The following INO80C variants were observed in gnomAD, a reference collection of about 807,000 sequenced individuals.
INO80C encodes IES6 homolog.
A neutral mutation model predicts 17.7 loss-of-function variants in INO80C; 17 were observed. The observed-to-expected ratio is 0.96, with a 90% CI of 0.66 to 1.44. The LOEUF (loss-of-function observed/expected upper bound fraction) is 1.44. Ranked by LOEUF, INO80C falls within the 40% of genes most tolerant of loss-of-function variation. The probability of loss-of-function intolerance (pLI) is 0.00; values close to 1 mark genes in which losing one functional copy is unlikely to be tolerated. For missense variants in INO80C, 244 were observed against 245.0 expected, an observed-to-expected ratio of 1.00 and a Z score of 0.03; for synonymous variants, 96 against 95.8, an observed-to-expected ratio of 1.00 and a Z score of -0.01.
At chr18:35,493,888 G>A (rs878872331) in intron 1 of INO80C, among the ~76,000 whole-genome samples, 2 of 152,156 alleles carry the variant, frequency 1.3e-5, no homozygotes, top group Admixed American at 1.3e-4. Context: ...CTGACGTAGG[G>A]AAATTTACGT....
chr18:35,484,094 C>A (rs1187260175), intron 1 of INO80C, among the ~76,000 whole-genome samples: 1 of 151,938 alleles, frequency 6.6e-6, no homozygotes, highest in Non-Finnish European at 1.5e-5. Context: ...ACTATGTAAT[C>A]CAAGGTTAAA....
At chr18:35,494,275 C>T (rs1330330040) in intron 1 of INO80C, among the ~76,000 whole-genome samples, 1 of 152,096 alleles carries the variant, frequency 6.6e-6, no homozygotes, top group African/African-American at 2.4e-5. Context: ...AGTACTCTGC[C>T]CCTGGTGTGC....
intron 1 of INO80C, among the ~76,000 whole-genome samples, chr18:35,490,350 C>A (rs1323532334): frequency 6.6e-6 from 1 of 152,158 alleles, no homozygotes; most frequent in Non-Finnish European, 1.5e-5. Flanking sequence ...ATTAAATTAG[C>A]AGGAGAGATA....
intron 1 of INO80C, among the ~76,000 whole-genome samples, chr18:35,490,389 G>A (rs1459399990): frequency 6.6e-6 from 1 of 152,084 alleles, no homozygotes; most frequent in East Asian, 1.9e-4. Context: ...TAAGCACCAC[G>A]TCAAAAGAAA....
intron 2 of INO80C, 89 bp from the exon 3 acceptor site, chr18:35,479,500 A>G: frequency 1.3e-6 from 1 of 759,242 alleles, no homozygotes; most frequent in Admixed American, 2.2e-5. Flanking sequence ...CATAACTGTA[A>G]TATACCTCTC....
At chr18:35,475,538 C>A (rs917257055) in intron 4 of INO80C, among the ~76,000 whole-genome samples, 1 of 152,210 alleles carries the variant, frequency 6.6e-6, no homozygotes, top group South Asian at 2.1e-4. Context: ...GGCATGGTGG[C>A]ACACACCTGT....
At chr18:35,475,096 T>C (rs1307938189) in intron 4 of INO80C, among the ~76,000 whole-genome samples, 2 of 151,644 alleles carry the variant, frequency 1.3e-5, no homozygotes, top group Admixed American at 1.3e-4. Flanking sequence ...ACATCAAGAA[T>C]ACATACCAGA....
At chr18:35,491,091 C>T (rs933502502) in intron 1 of INO80C, among the ~76,000 whole-genome samples, 2 of 152,312 alleles carry the variant, frequency 1.3e-5, no homozygotes, top group Non-Finnish European at 2.9e-5. Context: ...TCAGTTTATT[C>T]CACTTCCCCA....
At chr18:35,475,619 G>A (rs1228557026) in intron 4 of INO80C, among the ~76,000 whole-genome samples, 2 of 151,858 alleles carry the variant, frequency 1.3e-5, no homozygotes, top group Admixed American at 6.6e-5. Context: ...GCTGCAGTGA[G>A]CCAAGATGGC....
intron 2 of INO80C, among the ~76,000 whole-genome samples, chr18:35,479,885 CTTT>C (rs35108119): frequency 1.0e-4 from 14 of 136,622 alleles, no homozygotes; most frequent in Admixed American, 1.5e-4. Context: ...CTAGGTACCT[CTTT>C]TTTTTTTTTT....
chr18:35,496,294 C>T (rs975775494), intron 1 of INO80C, among the ~76,000 whole-genome samples: 3 of 152,146 alleles, frequency 2.0e-5, no homozygotes, highest in Non-Finnish European at 2.9e-5. Context: ...AACAGATGTA[C>T]TAAACGACTC....
Position 35,468,472 on chromosome 18 carries a change from T to A in INO80C, c.*139A>T. On this transcript the variant is annotated 3_prime_UTR_variant, in exon 5 of 5. Transcript: ENST00000334598. ...CTAAAAAAAAAAAAAACCCTTAAAT[T>A]AAAGCCAAACATTCTTTCCAAGGCA... The A allele has an allele frequency of 6.8e-7, 1 of 1,477,484 alleles. No individual in the cohort carries two copies. The highest frequency in any genetic ancestry group is 8.9e-7 in the Non-Finnish European group (1 of 1,117,438). 91.5% of individuals were successfully genotyped at this position (1,477,484 alleles called of 1,614,324 possible). A position where few individuals can be genotyped will look rare whatever the true frequency, so the allele number is the denominator to read the frequency against.
intron 1 of INO80C, among the ~76,000 whole-genome samples, chr18:35,492,057 C>G (rs938339895): frequency 5.3e-5 from 8 of 152,226 alleles, no homozygotes; most frequent in Non-Finnish European, 1.2e-4. Context: ...CAGTAGTGTG[C>G]TTGACTCTGA....
intron 1 of INO80C, chr18:35,487,320 T>G (rs1243497937): frequency 5.8e-6 from 2 of 345,740 alleles, no homozygotes; most frequent in East Asian, 2.4e-4. Context: ...TCCATTTTCA[T>G]GCTGCTGATA....
intron 1 of INO80C, among the ~76,000 whole-genome samples, chr18:35,490,912 T>C (rs1214939055): frequency 6.6e-6 from 1 of 152,116 alleles, no homozygotes; most frequent in African/African-American, 2.4e-5. Context: ...GGGTGCACAC[T>C]ACTATGCCCA....
chr18:35,474,244 T>TATATAC lies in INO80C; in HGVS notation c.447+4037_447+4038insGTATAT, dbSNP rs1163516427. On this transcript the variant is annotated intron_variant, in intron 4 of 4. Coordinates refer to ENST00000334598, the MANE Select transcript of INO80C (RefSeq NM_194281.4). The stretch of plus-strand genomic sequence containing the variant: ...ATATATATATATATATATATATATA[T>TATATAC]ACTTAATAACTAAGTAGTCTTAAAA... 5.9e-4 allele frequency among the ~76,000 whole-genome samples: 80 copies of TATATAC among 134,700 alleles called. 4 individuals are homozygous for TATATAC. Among genetic ancestry groups the TATATAC allele is most frequent in the Non-Finnish European group, 7.1e-4 (45 of 63,736 alleles). The allele number at this position is 134,700 out of a possible 152,430, so 88.4% of individuals were successfully genotyped here.
At chr18:35,490,586 A>C (rs530175052) in intron 1 of INO80C, among the ~76,000 whole-genome samples, 1 of 152,240 alleles carries the variant, frequency 6.6e-6, no homozygotes. Context: ...ACTGTTAAAG[A>C]GCAAAAAGGA....
chr18:35,496,391 T>A (rs1567991332), intron 1 of INO80C, among the ~76,000 whole-genome samples: 2 of 152,230 alleles, frequency 1.3e-5, no homozygotes, highest in Non-Finnish European at 2.9e-5. Context: ...TATATTATGT[T>A]CCAACCCAAA....
chr18:35,486,124 A>G (rs1321275159), intron 1 of INO80C, among the ~76,000 whole-genome samples: 1 of 152,252 alleles, frequency 6.6e-6, no homozygotes, highest in Non-Finnish European at 1.5e-5. Context: ...TCTAAAAGAA[A>G]TAAAAAATAA....
Sources: allele counts gnomAD v4.1 joint callset (sites outside exome capture counted in the v4.1 genomes callset), GRCh38; gene constraint gnomAD v4.1.1; transcripts MANE v1.5; gene names NCBI Gene and HGNC (gene_info 2026-07-23, HGNC 2026-07-21).